The following PCDHGA5 variants were observed in gnomAD, a reference collection of about 807,000 sequenced individuals.
PCDHGA5 encodes protocadherin gamma subfamily A, 5.
PCDHGA5 carries 36 observed loss-of-function variants against 56.7 expected under a neutral mutation model. That is an observed-to-expected ratio of 0.64 (90% confidence interval 0.49 to 0.84). The LOEUF is 0.84. PCDHGA5 is among the 40% of genes least tolerant of loss of function. The pLI is 0.00. For missense variants in PCDHGA5, 1,305 were observed against 1,201.5 expected (o/e 1.09, Z -1.27); for synonymous variants, 563 against 520.2 (o/e 1.08, Z -1.12).
At chr5:141,413,877 G>GAC (rs751994783) in intron 1 of PCDHGA5, 1 of 1,613,386 alleles carries the variant, frequency 6.2e-7, no homozygotes. Flanking sequence ...TTGTCAGTGT[G>GAC]ACTGTCTTCG....
intron 1 of PCDHGA5, chr5:141,367,050 A>C (rs1056212964): frequency 1.2e-5 from 4 of 330,762 alleles, no homozygotes; most frequent in African/African-American, 2.2e-5. Context: ...TTAATAGAAA[A>C]GATGTTTTAT....
intron 1 of PCDHGA5, among the ~76,000 whole-genome samples, chr5:141,429,369 G>A (rs1368624471): frequency 6.7e-6 from 1 of 148,994 alleles, no homozygotes; most frequent in Non-Finnish European, 1.5e-5. Context: ...AGAAAATGGA[G>A]AAAATGTGTT....
At chr5:141,386,989 G>A (rs1354556956) in intron 1 of PCDHGA5, among the ~76,000 whole-genome samples, 1 of 152,156 alleles carries the variant, frequency 6.6e-6, no homozygotes, top group East Asian at 1.9e-4. Context: ...TTGAGGCTAT[G>A]TATTATCCCC....
intron 3 of PCDHGA5, among the ~76,000 whole-genome samples, chr5:141,506,298 A>C (rs887906455): frequency 6.6e-6 from 1 of 151,936 alleles, no homozygotes; most frequent in Non-Finnish European, 1.5e-5. Context: ...AAAATACAAA[A>C]ATTAGCTGGG....
intron 2 of PCDHGA5, among the ~76,000 whole-genome samples, chr5:141,505,113 G>A (rs1254889990): frequency 6.6e-6 from 1 of 152,178 alleles, no homozygotes; most frequent in East Asian, 1.9e-4. Context: ...AATGAGCCAA[G>A]ATCGCGCCAC....
intron 1 of PCDHGA5, chr5:141,415,739 G>GGT (rs2095908308): frequency 2.3e-6 from 1 of 434,538 alleles, no homozygotes; most frequent in East Asian, 5.9e-5. Context: ...TGTTTATTAA[G>GGT]GTTTTTTTTT....
rs138616951 is a variant in PCDHGA5, at chr5:141,490,312, C to T, written c.2422-4495C>T. On this transcript the variant is annotated intron_variant, in intron 1 of 3. Transcript: ENST00000518069. The surrounding 1 kb of genome is among the most constrained non-coding windows in gnomAD (Gnocchi z 5.4). ...GGTGCTATTGGCCTCTTTGGCCAAC[C>T]CTGTCCTAGAGAGCACACCAGTGGG... 67 of 1,614,050 alleles carry T rather than the reference C, an allele frequency of 4.2e-5. No individual in the cohort carries two copies. The highest frequency in any genetic ancestry group is 5.3e-5 in the Non-Finnish European group (63 of 1,180,008).
chr5:141,477,845 GT>G lies in PCDHGA5; in HGVS notation c.2422-16961del, dbSNP rs1562065234. ...ATATCCTCGGCCAGGTGGGAGCTCG[GT>G]GGAGATGCTGCCTCGAGGTACCTCA... is the stretch of plus-strand genomic sequence containing the variant. On this transcript the variant is annotated intron_variant, in intron 1 of 3. Coordinates refer to ENST00000518069, the MANE Select transcript of PCDHGA5 (RefSeq NM_018918.3). This position sits in a 1 kb window ranked among gnomAD's most constrained non-coding sequence, Gnocchi z 4.9. 1 of 1,614,038 alleles carries G rather than the reference GT, an allele frequency of 6.2e-7. No homozygotes were observed. Among genetic ancestry groups the G allele is most frequent in the East Asian group, 2.2e-5 (1 of 44,896 alleles).
Position 141,431,559 on chromosome 5 carries a change from C to T in PCDHGA5, c.2422-63248C>T. 6.2e-7 allele frequency: 1 copy of T among 1,614,158 alleles called. No individual in the cohort carries two copies. On this transcript the variant is annotated intron_variant, in intron 1 of 3. Transcript: ENST00000518069. The surrounding 1 kb of genome is among the most constrained non-coding windows in gnomAD (Gnocchi z 4.8). ...ACGCAGCTGCTTGTAGTCAACGCTA[C>T]CGACCCTGACGAAGGAGTCAATGCG...
intron 1 of PCDHGA5, among the ~76,000 whole-genome samples, chr5:141,370,010 T>A (rs1325355528): frequency 6.6e-6 from 1 of 152,172 alleles, no homozygotes; most frequent in African/African-American, 2.4e-5. Context: ...TTAAAAGAAA[T>A]AACAGACTAA....
At chr5:141,416,186 T>G (rs904230611) in intron 1 of PCDHGA5, 2 of 152,474 alleles carry the variant, frequency 1.3e-5, no homozygotes, top group African/African-American at 4.8e-5. Flanking sequence ...TTCATTAATA[T>G]TGAATTAACA....
intron 1 of PCDHGA5, chr5:141,418,093 C>T: frequency 6.2e-7 from 1 of 1,614,032 alleles, no homozygotes; most frequent in East Asian, 2.2e-5. Flanking sequence ...TCAGCGTAGA[C>T]GCGCAGAGCG....
In PCDHGA5 at chr5:141,364,205, A is replaced by C. The variant is rs1250961446; in HGVS notation, c.-126A>C. 1.7e-6 allele frequency: 2 copies of C among 1,159,214 alleles called. No homozygotes were observed. The highest frequency in any genetic ancestry group is 3.1e-5 in the African/African-American group (2 of 64,106). The allele number at this position is 1,159,214 out of a possible 1,614,324, so 71.8% of individuals were successfully genotyped here. A position where few individuals can be genotyped will look rare whatever the true frequency, so the allele number is the denominator to read the frequency against. The stretch of plus-strand genomic sequence containing the variant: ...CCATACTAAACACACAGACCAGACA[A>C]GCTCCTACGAAAAGCCAACGCTCCA... On this transcript the variant is annotated 5_prime_UTR_variant, in exon 1 of 4. Transcript: ENST00000518069.
intron 1 of PCDHGA5, chr5:141,422,035 C>A: frequency 6.2e-7 from 1 of 1,611,086 alleles, no homozygotes; most frequent in South Asian, 1.1e-5. Flanking sequence ...TGCAACGGAT[C>A]CAGACGAGGG....
intron 1 of PCDHGA5, chr5:141,471,461 T>C (rs1409374601): frequency 6.6e-6 from 1 of 152,194 alleles, no homozygotes; most frequent in Non-Finnish European, 1.5e-5. Flanking sequence ...GAAAGATTAC[T>C]CAGGTCTCTG....
intron 1 of PCDHGA5, chr5:141,400,544 A>G (rs1436586530): frequency 6.2e-7 from 1 of 1,613,568 alleles, no homozygotes; most frequent in Non-Finnish European, 8.5e-7. Flanking sequence ...ATTTATGTCT[A>G]TTCTTTTTCA....
intron 1 of PCDHGA5, chr5:141,413,667 G>A: frequency 6.2e-7 from 1 of 1,613,836 alleles, no homozygotes; most frequent in Non-Finnish European, 8.5e-7. Flanking sequence ...CTATTGATCC[G>A]GATGTGGGCG....
intron 1 of PCDHGA5, chr5:141,370,262 T>G (rs1766779263): frequency 2.7e-6 from 2 of 752,044 alleles, no homozygotes; most frequent in Non-Finnish European, 4.2e-6. Flanking sequence ...TCAGGCTTCC[T>G]GCAGCGGAGA....
chr5:141,427,504 C>A (rs755936092), intron 1 of PCDHGA5: 8 of 579,302 alleles, frequency 1.4e-5, no homozygotes, highest in Middle Eastern at 2.7e-4. Context: ...ACAGATGGGA[C>A]CCTGGATTGG....
Sources: allele counts gnomAD v4.1 joint callset (sites outside exome capture counted in the v4.1 genomes callset), GRCh38; gene constraint gnomAD v4.1.1; non-coding constraint Gnocchi (gnomAD v3.1); transcripts MANE v1.5; gene names NCBI Gene and HGNC (gene_info 2026-07-23, HGNC 2026-07-21).